The following PRPF3 variants were observed in gnomAD, a reference collection of about 807,000 sequenced individuals.
PRPF3 encodes the protein U4/U6 small nuclear ribonucleoprotein Prp3.
A neutral mutation model predicts 89.2 loss-of-function variants in PRPF3; 3 were observed. The ratio of observed to expected loss-of-function variants is 0.03; its 90% confidence interval spans 0.02 to 0.09. The LOEUF (loss-of-function observed/expected upper bound fraction) is 0.09. Among genes scored for constraint, PRPF3 ranks in the 10% least tolerant of loss-of-function variants. The pLI is 1.00. For missense variants in PRPF3, 463 were observed against 828.8 expected (o/e 0.56, Z 5.42); for synonymous variants, 270 against 289.1 (o/e 0.93, Z 0.67).
chr1:150,337,793 G>A (rs1440523368), intron 7 of PRPF3, among the ~76,000 whole-genome samples: 1 of 150,788 alleles, frequency 6.6e-6, no homozygotes, highest in African/African-American at 2.4e-5. Flanking sequence ...TTGGGATTCT[G>A]GCCGGGCACA....
Position 150,332,787 on chromosome 1 carries a change from C to T in PRPF3, c.507+20C>T, listed in dbSNP as rs1553865991. 1 of 1,611,062 alleles carries T rather than the reference C, an allele frequency of 6.2e-7. No homozygotes were observed. The highest frequency in any genetic ancestry group is 1.1e-5 in the South Asian group (1 of 90,934). ...CCTCAGGTATTGTGTCTAGATTACT[C>T]TGAACAGAATAATCTTTGGCACAGA... On this transcript the variant is annotated intron_variant, in intron 5 of 15. Coordinates refer to ENST00000324862, the MANE Select transcript of PRPF3 (RefSeq NM_004698.4).
At chr1:150,346,175 A>C (rs1464180446) in intron 13 of PRPF3, 39 bp downstream of exon 13, 1 of 1,548,476 alleles carries the variant, frequency 6.5e-7, no homozygotes, top group East Asian at 2.2e-5. Context: ...TCCCCAGACA[A>C]CCCTAGGCTT....
At chr1:150,343,477 G>A (rs113149079) in intron 10 of PRPF3, 25 bp downstream of exon 10, 4 of 1,611,682 alleles carry the variant, frequency 2.5e-6, no homozygotes, top group Non-Finnish European at 3.4e-6. Context: ...GGCCTCTTCT[G>A]TTAAAAAGAG....
At chr1:150,348,405 CAG>C (rs1454317004) in intron 14 of PRPF3, among the ~76,000 whole-genome samples, 4 of 145,288 alleles carry the variant, frequency 2.8e-5, no homozygotes, top group African/African-American at 7.7e-5. Flanking sequence ...ATAAAATCTG[CAG>C]AGAGTTCATC....
chr1:150,332,520 T>G (rs951554346), intron 4 of PRPF3, among the ~76,000 whole-genome samples, 164 bp from the exon 5 acceptor site: 1 of 152,242 alleles, frequency 6.6e-6, no homozygotes, highest in Non-Finnish European at 1.5e-5. Flanking sequence ...CAGTGCTCAC[T>G]TATCTTGACT....
At chr1:150,350,668 G>C (rs1003053958) in intron 15 of PRPF3, among the ~76,000 whole-genome samples, 23 of 152,068 alleles carry the variant, frequency 1.5e-4, no homozygotes, top group Admixed American at 2.0e-4. Context: ...ATACAGAAGA[G>C]TACTTACTGA....
intron 13 of PRPF3, 88 bp downstream of exon 13, chr1:150,346,224 C>A: frequency 1.5e-6 from 2 of 1,345,292 alleles, no homozygotes; most frequent in South Asian, 1.2e-5. Flanking sequence ...AGAAAAAGAT[C>A]GTATTTTAGT....
rs1656589362 is a variant in PRPF3 at position 150,333,014 on chromosome 1, T to G, written c.543T>G (p.Leu181=). The part of the protein sequence containing the change: ...KTPSSSQPER[L]PIGNTIQPSQ... ...CTTCTTCCTCCCAACCAGAACGACT[T>G]CCTATTGGCAACACTATTCAGCCCT... is the stretch of plus-strand genomic sequence containing the variant. The change falls in exon 6 of 16, where the codon CTT becomes CTG. Residue 181 remains leucine, a synonymous_variant. Coordinates refer to ENST00000324862, the MANE Select transcript of PRPF3 (RefSeq NM_004698.4). 1.2e-6 allele frequency: 2 copies of G among 1,613,936 alleles called. No individual in the cohort carries two copies. Among genetic ancestry groups the G allele is most frequent in the Non-Finnish European group, 1.7e-6 (2 of 1,180,016 alleles).
chr1:150,347,982 A>C (rs1316239867), intron 14 of PRPF3, among the ~76,000 whole-genome samples: 2 of 152,206 alleles, frequency 1.3e-5, no homozygotes, highest in Non-Finnish European at 2.9e-5. Flanking sequence ...AAAAAATTGT[A>C]AGTCAAGGAC....
intron 12 of PRPF3, chr1:150,345,697 T>C (rs1451456606): frequency 2.7e-6 from 1 of 366,990 alleles, no homozygotes; most frequent in East Asian, 7.0e-5. Context: ...ACAAAAAGTC[T>C]GTAGGTCTTT....
At chr1:150,335,620 C>T (rs1000036711) in intron 7 of PRPF3, among the ~76,000 whole-genome samples, 2 of 152,034 alleles carry the variant, frequency 1.3e-5, no homozygotes, top group African/African-American at 2.4e-5. Context: ...CATGTGCCAC[C>T]ACGCCTGGCT....
rs587641072 is a variant in PRPF3, at chr1:150,324,574, A to G, written c.-48-321A>G. 1.4e-4 allele frequency among the ~76,000 whole-genome samples: 18 copies of G among 133,264 alleles called. No individual in the cohort carries two copies. In the South Asian group the frequency reaches 3.6e-3, roughly 27 times the overall value. The allele number at this position is 133,264 out of a possible 152,430, so 87.4% of individuals were successfully genotyped here. A position where few individuals can be genotyped will look rare whatever the true frequency, so the allele number is the denominator to read the frequency against. The stretch of plus-strand genomic sequence containing the variant: ...TTTAGTCTTTTTTTTTTTTGTAGAG[A>G]GAGTCTTGCTTTGTCGCCCAGGCTG... On this transcript the variant is annotated intron_variant, in intron 1 of 15. Transcript: ENST00000324862.
In PRPF3 at chr1:150,352,994, C is replaced by A. The variant is rs1553874774; in HGVS notation, c.*15C>A. On this transcript the variant is annotated 3_prime_UTR_variant, in exon 16 of 16. Transcript: ENST00000324862. ...CCACTGATTGAGACTACTGCAAGCC[C>A]TTGCCTCTCCTCCCTTGCCTTTGTC... 2 of 1,613,804 alleles carry A rather than the reference C, an allele frequency of 1.2e-6. No individual in the cohort carries two copies. Among genetic ancestry groups the A allele is most frequent in the Non-Finnish European group, 1.7e-6 (2 of 1,179,860 alleles).
At chr1:150,338,052 C>G in intron 7 of PRPF3, 108 bp from the exon 8 acceptor site, 1 of 1,205,590 alleles carries the variant, frequency 8.3e-7, no homozygotes, top group South Asian at 1.3e-5. Flanking sequence ...CCAGCCTGGG[C>G]AAGAAGAACG....
rs1658242037 is a variant in PRPF3 at position 150,346,026 on chromosome 1, A to G, written c.1649A>G (p.Asn550Ser). 1.2e-6 allele frequency: 2 copies of G among 1,614,114 alleles called. No homozygotes were observed. The highest frequency in any genetic ancestry group is 4.5e-5 in the East Asian group (2 of 44,874). Residue 550 changes from asparagine (N) to serine (S), a missense_variant, in exon 13 of 16, where the codon AAT becomes AGT. This residue lies in a region of PRPF3 where 261 missense variants were observed against 475.8 expected (regional missense o/e 0.55). Transcript: ENST00000324862. The part of the protein sequence containing the change: ...GVHISVYRVR[N>S]LSNPAKKFKI... ...AACTTTCCCTTCTCCAGAGTTCGAAATTTGAGCAACCCAGCCAAGAAGTTC... is the reference window on the plus strand; with the variant it reads ...AACTTTCCCTTCTCCAGAGTTCGAAGTTTGAGCAACCCAGCCAAGAAGTTC...
intron 2 of PRPF3, among the ~76,000 whole-genome samples, 160 bp from the exon 3 acceptor site, chr1:150,325,591 G>T (rs913917327): frequency 6.6e-6 from 1 of 152,064 alleles, no homozygotes; most frequent in African/African-American, 2.4e-5. Context: ...ACCTCACAGG[G>T]CAAGGTCATT....
At position 150,344,276 on chromosome 1, in the gene PRPF3, A is replaced by G; in HGVS notation, c.1526+15A>G. ...AAAAGACAGAAGTAAGTGCCATGGG[A>G]TTGGGTGGAAACCTCGGGCAAGTAC... On this transcript the variant is annotated intron_variant, in intron 11 of 15. Coordinates refer to ENST00000324862, the MANE Select transcript of PRPF3 (RefSeq NM_004698.4). The G allele has an allele frequency of 6.2e-7, 1 of 1,614,036 alleles. No individual in the cohort carries two copies. The highest frequency in any genetic ancestry group is 8.5e-7 in the Non-Finnish European group (1 of 1,179,934).
chr1:150,349,882 T>TGGGGGTGG (rs1553873922), intron 15 of PRPF3, among the ~76,000 whole-genome samples: 1 of 97,546 alleles, frequency 1.0e-5, no homozygotes, highest in East Asian at 5.3e-4. Context: ...TATCTTTTTT[T>TGGGGGTGG]GGGGGCGGGG....
chr1:150,321,888 G>C (rs147612220), intron 1 of PRPF3, among the ~76,000 whole-genome samples: 12 of 151,992 alleles, frequency 7.9e-5, no homozygotes, highest in African/African-American at 2.9e-4. Context: ...GCGGGGGAGT[G>C]GGGGGCTGCA....
Sources: gnomAD v4.1 joint callset for allele counts (sites outside exome capture counted in the v4.1 genomes callset) on GRCh38, gnomAD v4.1.1 for gene constraint, gnomAD v4.1.1 regional missense constraint, MANE v1.5 for transcripts, NCBI Gene and HGNC (gene_info 2026-07-23, HGNC 2026-07-21) for gene names.